SLC7A2: variants seen among roughly 807,000 people sequenced by gnomAD.
The protein encoded by SLC7A2 is solute carrier family 7 member 2.
Under a neutral mutation model 58.9 loss-of-function variants are expected in SLC7A2, and 48 were observed. The observed-to-expected ratio is 0.82, with a 90% CI of 0.65 to 1.04. The LOEUF is 1.04. Ranked by LOEUF, SLC7A2 falls within the 50% of genes least tolerant of loss-of-function variation. SLC7A2 has a pLI of 0.00. For synonymous variants in SLC7A2, 363 were observed against 314.5 expected (o/e 1.15, Z -1.63); for missense variants, 1,029 against 818.8 (o/e 1.26, Z -3.13).
chr8:17,560,417 A>G lies in SLC7A2; in HGVS notation c.1388A>G (p.Glu463Gly). Residue 463 changes from glutamate (E) to glycine (G), a missense_variant, in exon 10 of 13, where the codon GAG (glutamate) becomes GGG (glycine). Glu to Gly is a moderately conservative substitution (Grantham distance 98). Coordinates refer to ENST00000494857, the MANE Select transcript of SLC7A2 (RefSeq NM_001370338.1). ...TCTCCCAGGGTAACCTCGAAGAGTG[A>G]GTCCCAGGTCACCATGCTGCAGAGA... ...GSSPRVTSKS[E>G]SQVTMLQRQG... 1 of 1,614,076 alleles carries G rather than the reference A, an allele frequency of 6.2e-7. No homozygotes were observed. The highest frequency in any genetic ancestry group is 8.5e-7 in the Non-Finnish European group (1 of 1,179,918).
At chr8:17,554,995 C>T (rs202247338) in intron 8 of SLC7A2, 47 of 1,613,854 alleles carry the variant, frequency 2.9e-5, no homozygotes, top group South Asian at 1.5e-4. Context: ...TGCCATGGCC[C>T]GGGATGGCTT....
In SLC7A2 at chr8:17,565,231, G is replaced by A; in HGVS notation, c.*85G>A. 9.5e-7 allele frequency: 1 copy of A among 1,048,418 alleles called. No individual in the cohort carries two copies. The highest frequency in any genetic ancestry group is 1.4e-6 in the Non-Finnish European group (1 of 722,454). 64.9% of individuals were successfully genotyped at this position (1,048,418 alleles called of 1,614,324 possible). On this transcript the variant is annotated 3_prime_UTR_variant, in exon 13 of 13. Coordinates refer to ENST00000494857, the MANE Select transcript of SLC7A2 (RefSeq NM_001370338.1). ...GTAACGGGATGTCATCAGCATGCTG[G>A]GTTGTCATGGGTTTGCTGCATACAT...
intron 4 of SLC7A2, among the ~76,000 whole-genome samples, chr8:17,547,656 T>G (rs1271836144): frequency 1.3e-5 from 2 of 152,218 alleles, no homozygotes. Flanking sequence ...CAGTGCTATT[T>G]ATAATTGTAA....
intron 2 of SLC7A2, among the ~76,000 whole-genome samples, chr8:17,534,174 C>A (rs773862252): frequency 3.3e-5 from 5 of 152,060 alleles, no homozygotes; most frequent in Non-Finnish European, 5.9e-5. Context: ...TTGATGGGCA[C>A]AGGCTATTTA....
chr8:17,563,101 T>A (rs1040408082), intron 11 of SLC7A2, among the ~76,000 whole-genome samples: 4 of 152,188 alleles, frequency 2.6e-5, no homozygotes, highest in Non-Finnish European at 4.4e-5. Context: ...TATCATAGTA[T>A]CACTGCACTC....
rs1158153764 is a variant in SLC7A2 at position 17,567,866 on chromosome 8, GA to G, written c.*2721del. The G allele has an allele frequency of 6.6e-6, 1 of 152,202 alleles. No homozygotes were observed. Among genetic ancestry groups the G allele is most frequent in the Admixed American group, 6.5e-5 (1 of 15,274 alleles). The allele number at this position is 152,202 out of a possible 1,614,324, so 9.4% of individuals were successfully genotyped here. A position where few individuals can be genotyped will look rare whatever the true frequency, so the allele number is the denominator to read the frequency against. On this transcript the variant is annotated 3_prime_UTR_variant, in exon 13 of 13. Transcript: ENST00000494857. Reference sequence around the variant, plus strand: ...GTGCTTTGTAATCTGGAATGGAGAAGAGGTAGGGGCATTTGGGGATTCCTGT... The same window carrying G: ...GTGCTTTGTAATCTGGAATGGAGAAGGGTAGGGGCATTTGGGGATTCCTGT...
intron 2 of SLC7A2, among the ~76,000 whole-genome samples, chr8:17,508,958 C>G (rs566216097): frequency 3.9e-5 from 6 of 152,110 alleles, no homozygotes; most frequent in African/African-American, 1.4e-4. Flanking sequence ...TCGTTGCCGC[C>G]TTTTGGTGGT....
chr8:17,535,895 T>A (rs1226324208), intron 2 of SLC7A2, among the ~76,000 whole-genome samples: 2 of 152,036 alleles, frequency 1.3e-5, no homozygotes, highest in African/African-American at 2.4e-5. Context: ...AGAGGGACAC[T>A]CCATCTCAAA....
chr8:17,562,001 G>C lies in SLC7A2; in HGVS notation c.1562G>C (p.Arg521Thr), dbSNP rs1209146790. The change falls in exon 11 of 13, where the codon AGG (arginine) becomes ACG (threonine). Residue 521 changes from arginine (R) to threonine (T), a missense_variant. Arg to Thr is a moderately conservative substitution (Grantham distance 71). Coordinates refer to ENST00000494857, the MANE Select transcript of SLC7A2 (RefSeq NM_001370338.1). Reference protein sequence around the residue: ...LTTYGVHAITRLEAWSLALLA... With the variant: ...LTTYGVHAITTLEAWSLALLA... The stretch of plus-strand genomic sequence containing the variant: ...ACTTACGGAGTTCATGCCATCACCA[G>C]GCTGGAGGCCTGGAGCCTCGCTCTC... 5 of 1,613,988 alleles carry C rather than the reference G, an allele frequency of 3.1e-6. No individual in the cohort carries two copies. The Admixed American group carries it at 6.7e-5, about 22-fold the overall frequency.
intron 10 of SLC7A2, among the ~76,000 whole-genome samples, chr8:17,561,279 T>A (rs1802968725): frequency 6.6e-6 from 1 of 152,108 alleles, no homozygotes; most frequent in Non-Finnish European, 1.5e-5. Flanking sequence ...GGCTTACAGT[T>A]CCACGTGGTT....
chr8:17,508,950 G>A (rs532759056), intron 2 of SLC7A2, among the ~76,000 whole-genome samples: 28 of 152,144 alleles, frequency 1.8e-4, no homozygotes, highest in Admixed American at 1.2e-3. Flanking sequence ...TTGATTGATC[G>A]TTGCCGCCTT....
At chr8:17,550,231 C>T in intron 5 of SLC7A2, 70 bp from the exon 6 acceptor site, 2 of 1,463,726 alleles carry the variant, frequency 1.4e-6, no homozygotes, top group South Asian at 1.2e-5. Flanking sequence ...AGGATATAGT[C>T]TGAGAAAAGT....
At chr8:17,522,134 AC>A (rs1563446243) in intron 2 of SLC7A2, among the ~76,000 whole-genome samples, 5 of 152,168 alleles carry the variant, frequency 3.3e-5, no homozygotes, top group Non-Finnish European at 7.3e-5. Flanking sequence ...TAATGGACTC[AC>A]AGTTCCACAT....
chr8:17,555,262 T>C (rs1465421474), intron 8 of SLC7A2, among the ~76,000 whole-genome samples: 1 of 152,190 alleles, frequency 6.6e-6, no homozygotes, highest in African/African-American at 2.4e-5. Context: ...GGTGGTATAA[T>C]GAAGTTCATT....
chr8:17,520,988 G>A lies in SLC7A2; in HGVS notation c.-23+18686G>A, dbSNP rs150510730. ...ATGACCTTATATAAGCCTGTTTCAGGCTTAGTATTTTTTAGATGAGATTTC... is the reference window on the plus strand; with the variant it reads ...ATGACCTTATATAAGCCTGTTTCAGACTTAGTATTTTTTAGATGAGATTTC... On this transcript the variant is annotated intron_variant, in intron 2 of 12. Coordinates refer to ENST00000494857, the MANE Select transcript of SLC7A2 (RefSeq NM_001370338.1). Among the ~76,000 whole-genome samples, 92 of 152,184 alleles carry A rather than the reference G, an allele frequency of 6.0e-4. 1 individual carries two copies. In the East Asian group the frequency reaches 0.017, roughly 28 times the overall value.
chr8:17,564,992 A>G lies in SLC7A2; in HGVS notation c.1823A>G (p.Glu608Gly), dbSNP rs1388366830. 1 of 1,613,458 alleles carries G rather than the reference A, an allele frequency of 6.2e-7. No homozygotes were observed. The highest frequency in any genetic ancestry group is 2.2e-5 in the East Asian group (1 of 44,864). Residue 608 changes from glutamate to glycine, a missense_variant, in exon 13 of 13, where the codon GAG becomes GGG. Physicochemically the swap from Glu to Gly is moderately conservative, Grantham distance 98 (BLOSUM62 -2). Transcript: ENST00000494857. ...YFSYGIRHSL[E>G]GHLRDENNEE... The stretch of plus-strand genomic sequence containing the variant: ...TCTTATGGCATTAGACACAGCCTGG[A>G]GGGTCATCTGAGAGATGAAAACAAT...
chr8:17,547,891 T>C (rs1023756256), intron 4 of SLC7A2, among the ~76,000 whole-genome samples: 1 of 151,956 alleles, frequency 6.6e-6, no homozygotes, highest in Non-Finnish European at 1.5e-5. Flanking sequence ...TCAAAGTACT[T>C]GAATAGAAAT....
chr8:17,566,823 T>C lies in SLC7A2; in HGVS notation c.*1677T>C, dbSNP rs576840054. On this transcript the variant is annotated 3_prime_UTR_variant, in exon 13 of 13. Transcript: ENST00000494857. ...TCATTGGATGAGGCTGGGTGACATT[T>C]CCCAGGACAGCATGGTGAACATTAC... is the stretch of plus-strand genomic sequence containing the variant. 1 of 152,296 alleles carries C rather than the reference T, an allele frequency of 6.6e-6. No homozygotes were observed. Among genetic ancestry groups the C allele is most frequent in the Non-Finnish European group, 1.5e-5 (1 of 68,034 alleles). 9.4% of individuals were successfully genotyped at this position (152,296 alleles called of 1,614,324 possible).
intron 9 of SLC7A2, among the ~76,000 whole-genome samples, chr8:17,558,975 C>T (rs1026413512): frequency 2.6e-5 from 4 of 151,858 alleles, no homozygotes; most frequent in Non-Finnish European, 1.5e-5. Context: ...TCATATATGC[C>T]GATATAGACA....
Sources: allele counts gnomAD v4.1 joint callset (sites outside exome capture counted in the v4.1 genomes callset), GRCh38; gene constraint gnomAD v4.1.1; transcripts MANE v1.5; gene names NCBI Gene and HGNC (gene_info 2026-07-23, HGNC 2026-07-21).